Variants in PRKN observed in about 807,000 individuals in gnomAD.
PRKN encodes the protein parkin RBR E3 ubiquitin protein ligase, also known as E3 ubiquitin-protein ligase parkin.
A neutral mutation model predicts 59.5 loss-of-function variants in PRKN; 56 were observed. That is an observed-to-expected ratio of 0.94 (90% confidence interval 0.76 to 1.18). PRKN has a LOEUF of 1.18. Ranked by LOEUF, PRKN falls within the 50% of genes most tolerant of loss-of-function variation. The pLI is 0.00. For missense variants in PRKN, 657 were observed against 596.4 expected (o/e 1.10, Z -1.06); for synonymous variants, 250 against 222.1 (o/e 1.13, Z -1.12).
At chr6:161,535,314 T>C (rs186061036) in intron 9 of PRKN, among the ~76,000 whole-genome samples, 1 of 152,272 alleles carries the variant, frequency 6.6e-6, no homozygotes, top group East Asian at 1.9e-4. Context: ...AAAATATATA[T>C]TGTTACAAAA....
intron 1 of PRKN, among the ~76,000 whole-genome samples, chr6:162,473,042 A>G (rs1043915746): frequency 2.6e-5 from 4 of 152,026 alleles, no homozygotes; most frequent in African/African-American, 9.7e-5. Flanking sequence ...CAAAGAAAAC[A>G]TGGTTAAACC....
intron 4 of PRKN, among the ~76,000 whole-genome samples, chr6:162,126,083 A>G (rs1562528213): frequency 6.6e-6 from 1 of 152,224 alleles, no homozygotes; most frequent in Non-Finnish European, 1.5e-5. Flanking sequence ...AATTTGAGCA[A>G]CATAATAATA....
chr6:161,863,844 G>A lies in PRKN; in HGVS notation c.735-77936C>T, dbSNP rs548277917. 1.1e-4 allele frequency among the ~76,000 whole-genome samples: 17 copies of A among 152,248 alleles called. No individual in the cohort carries two copies. In the South Asian group the frequency reaches 3.5e-3, roughly 32 times the overall value. On this transcript the variant is annotated intron_variant, in intron 6 of 11. Transcript: ENST00000366898. Reference sequence around the variant, plus strand: ...TAAAGTGAGTCCCATGAATGTTTTGGTTTCCCAGTGCATATAAAAGCCATG... The same window carrying A: ...TAAAGTGAGTCCCATGAATGTTTTGATTTCCCAGTGCATATAAAAGCCATG...
At chr6:162,281,403 C>G (rs1005883582) in intron 2 of PRKN, among the ~76,000 whole-genome samples, 1 of 150,924 alleles carries the variant, frequency 6.6e-6, no homozygotes, top group Non-Finnish European at 1.5e-5. Flanking sequence ...TAGCCCAGAA[C>G]ATAAAGTAAA....
intron 9 of PRKN, among the ~76,000 whole-genome samples, chr6:161,508,040 C>T (rs775376535): frequency 8.5e-5 from 13 of 152,184 alleles, no homozygotes; most frequent in African/African-American, 2.9e-4. Context: ...CAGGGAAACA[C>T]GTTGCTAATA....
At chr6:162,591,198 G>C (rs776114816) in intron 1 of PRKN, among the ~76,000 whole-genome samples, 2 of 151,822 alleles carry the variant, frequency 1.3e-5, no homozygotes, top group Non-Finnish European at 2.9e-5. Context: ...ACACAGCTAG[G>C]AATACACAGG....
intron 6 of PRKN, among the ~76,000 whole-genome samples, chr6:161,848,672 G>T (rs963254578): frequency 9.9e-5 from 15 of 152,186 alleles, no homozygotes; most frequent in African/African-American, 3.4e-4. Context: ...TATGCTAATA[G>T]AAGCCAAGAG....
At chr6:161,958,574 T>C (rs1780268335) in intron 6 of PRKN, among the ~76,000 whole-genome samples, 1 of 152,134 alleles carries the variant, frequency 6.6e-6, no homozygotes, top group Non-Finnish European at 1.5e-5. Context: ...GATACCTGAA[T>C]TTTATGTAAG....
chr6:162,097,263 T>C (rs894529527), intron 4 of PRKN, among the ~76,000 whole-genome samples: 1 of 152,210 alleles, frequency 6.6e-6, no homozygotes, highest in African/African-American at 2.4e-5. Flanking sequence ...ATATAGCTAA[T>C]GTGTACCATT....
intron 6 of PRKN, among the ~76,000 whole-genome samples, chr6:161,951,901 G>A (rs1451952138): frequency 6.9e-6 from 1 of 145,508 alleles, no homozygotes; most frequent in Admixed American, 7.0e-5. Context: ...CTGGGCAACA[G>A]AGCAAGACTC....
At chr6:162,133,434 T>C (rs751920606) in intron 4 of PRKN, among the ~76,000 whole-genome samples, 34 of 152,278 alleles carry the variant, frequency 2.2e-4, no homozygotes, top group South Asian at 6.2e-4. Context: ...TAATGGTCTC[T>C]TCAGGGAAGG....
chr6:162,123,962 AG>A (rs1266982163), intron 4 of PRKN, among the ~76,000 whole-genome samples: 2 of 152,116 alleles, frequency 1.3e-5, no homozygotes, highest in African/African-American at 4.8e-5. Flanking sequence ...GGAAGGGAGA[AG>A]GGGCTTTTCT....
chr6:162,339,668 A>T (rs1784069861), intron 2 of PRKN, among the ~76,000 whole-genome samples: 1 of 152,136 alleles, frequency 6.6e-6, no homozygotes, highest in Non-Finnish European at 1.5e-5. Context: ...ATGGGCCATG[A>T]TGACAATGGT....
intron 7 of PRKN, among the ~76,000 whole-genome samples, chr6:161,680,260 G>T (rs1044950525): frequency 6.6e-6 from 1 of 152,144 alleles, no homozygotes; most frequent in Non-Finnish European, 1.5e-5. Flanking sequence ...GGCTGACTCG[G>T]TAACCTACAG....
intron 1 of PRKN, among the ~76,000 whole-genome samples, chr6:162,490,931 C>A (rs570686782): frequency 2.6e-5 from 4 of 151,880 alleles, no homozygotes; most frequent in African/African-American, 4.8e-5. Flanking sequence ...GCCAGAAGCT[C>A]GAGGCCACCC....
At chr6:161,851,549 T>C (rs1793434322) in intron 6 of PRKN, among the ~76,000 whole-genome samples, 1 of 151,860 alleles carries the variant, frequency 6.6e-6, no homozygotes, top group Non-Finnish European at 1.5e-5. Flanking sequence ...TGGCGTGATC[T>C]CAGCTCACTG....
Position 161,953,040 on chromosome 6 carries a change from G to A in PRKN, c.734+20262C>T, listed in dbSNP as rs561691896. Among the ~76,000 whole-genome samples, 11 of 152,314 alleles carry A rather than the reference G, an allele frequency of 7.2e-5. No individual in the cohort carries two copies. The South Asian group carries it at 2.3e-3, about 32-fold the overall frequency. ...ACACACAAATGTAATAATTGATATG[G>A]AAAGACACTCTAAACAGAGTAAACA... On this transcript the variant is annotated intron_variant, in intron 6 of 11. Transcript: ENST00000366898.
chr6:161,510,838 T>C (rs1209307271), intron 9 of PRKN, among the ~76,000 whole-genome samples: 2 of 152,188 alleles, frequency 1.3e-5, no homozygotes, highest in South Asian at 2.1e-4. Flanking sequence ...TTGGTCTCCA[T>C]TGGAAGTGGG....
chr6:162,321,325 G>T (rs1471514510), intron 2 of PRKN, among the ~76,000 whole-genome samples: 1 of 151,810 alleles, frequency 6.6e-6, no homozygotes, highest in Admixed American at 6.6e-5. Flanking sequence ...TAAATTTCAA[G>T]CCAGAGAGAA....
Sources: gnomAD v4.1 joint callset for allele counts (sites outside exome capture counted in the v4.1 genomes callset) on GRCh38, gnomAD v4.1.1 for gene constraint, MANE v1.5 for transcripts, NCBI Gene and HGNC (gene_info 2026-07-23, HGNC 2026-07-21) for gene names.